Variants in NAV1 observed in about 807,000 individuals in gnomAD.
NAV1 encodes the protein neuron navigator 1.
In NAV1, 18 loss-of-function variants were observed where a neutral mutation model predicts 175.2. The observed-to-expected ratio is 0.10, with a 90% CI of 0.07 to 0.15. The LOEUF is 0.15. Ranked by LOEUF, NAV1 falls within the 10% of genes least tolerant of loss-of-function variation. The pLI, the probability that NAV1 is intolerant of heterozygous loss-of-function variation, is 1.00. For synonymous variants in NAV1, 897 were observed against 978.7 expected, an observed-to-expected ratio of 0.92 and a Z score of 1.56; for missense variants, 1,731 against 2,436.6, an observed-to-expected ratio of 0.71 and a Z score of 6.10.
chr1:201,779,598 C>CATAAAAAAAAAAAAAA (rs1676178939), intron 3 of NAV1, among the ~76,000 whole-genome samples: 1 of 69,076 alleles, frequency 1.4e-5, no homozygotes, highest in African/African-American at 7.8e-5. Flanking sequence ...GACTCCGTCT[C>CATAAAAAAAAAAAAAA]AAAAAAAAAA....
At chr1:201,726,456 C>G (rs907306604) in intron 3 of NAV1, among the ~76,000 whole-genome samples, 1 of 151,808 alleles carries the variant, frequency 6.6e-6, no homozygotes, top group African/African-American at 2.4e-5. Flanking sequence ...CCAGCCTGAC[C>G]AACAACAACA....
chr1:201,711,892 C>T (rs1671922594), intron 1 of NAV1, among the ~76,000 whole-genome samples: 1 of 152,232 alleles, frequency 6.6e-6, no homozygotes, highest in South Asian at 2.1e-4. Flanking sequence ...TGAGTTCCTT[C>T]ATGCTCAAGC....
rs1001524462 is a variant in NAV1 at position 201,787,539 on chromosome 1, G to T, written c.2996-929G>T. On this transcript the variant is annotated intron_variant, in intron 9 of 29. Coordinates refer to ENST00000367296, the Ensembl canonical transcript of NAV1. This position sits in a 1 kb window ranked among gnomAD's most constrained non-coding sequence, Gnocchi z 4.3. ...CAGCTTGTTCTCTATCTCCATTGAA[G>T]ACCAAATAAGAAGAATTGCATTTAT... 7.9e-5 allele frequency: 32 copies of T among 406,454 alleles called. No homozygotes were observed. The highest frequency in any genetic ancestry group is 6.2e-4 in the African/African-American group (30 of 48,742). The allele number at this position is 406,454 out of a possible 1,614,324, so 25.2% of individuals were successfully genotyped here. A position where few individuals can be genotyped will look rare whatever the true frequency, so the allele number is the denominator to read the frequency against.
intron 1 of NAV1, among the ~76,000 whole-genome samples, chr1:201,628,761 G>C (rs1668407959): frequency 6.6e-6 from 1 of 152,186 alleles, no homozygotes; most frequent in South Asian, 2.1e-4. Context: ...TACGGTTGAG[G>C]TTGTGCTCAG....
upstream of NAV1, among the ~76,000 whole-genome samples, chr1:201,618,820 G>A (rs182576052): frequency 9.8e-5 from 15 of 152,342 alleles, no homozygotes; most frequent in Admixed American, 5.9e-4. Flanking sequence ...ACAAGGGACT[G>A]TTACTCTGTC....
intron 8 of NAV1, 53 bp downstream of exon 12, chr1:201,785,404 T>C (rs1448226763): frequency 1.3e-6 from 2 of 1,555,764 alleles, no homozygotes; most frequent in Admixed American, 1.8e-5. Flanking sequence ...CTGGTATGTA[T>C]GAAAAATCAT....
intron 2 of NAV1, 43 bp downstream of exon 6, chr1:201,712,962 G>C (rs1671973740): frequency 2.0e-6 from 3 of 1,476,670 alleles, no homozygotes; most frequent in Non-Finnish European, 2.8e-6. Context: ...CTGCCTTCCT[G>C]GCTCTCCACC....
chr1:201,783,403 CA>C lies in NAV1; in HGVS notation c.2358-2del. On this transcript the variant is annotated splice_acceptor_variant, in intron 6 of 29. Transcript: ENST00000367296. LOFTEE classifies it high-confidence loss of function. ...CTAAATATTTCGTTTGATCTTCTCT[CA>C]GGGCCACAGCGAAGAGCTTTGTCAA... 1 of 1,612,898 alleles carries C rather than the reference CA, an allele frequency of 6.2e-7. No individual in the cohort carries two copies. Among genetic ancestry groups the C allele is most frequent in the East Asian group, 2.2e-5 (1 of 44,854 alleles).
chr1:201,607,508 T>C (rs1196881624), intron 2 of NAV1, among the ~76,000 whole-genome samples: 1 of 152,132 alleles, frequency 6.6e-6, no homozygotes, highest in Non-Finnish European at 1.5e-5. Flanking sequence ...TTTATTATTT[T>C]TGAGATGGAG....
At chr1:201,637,274 C>T (rs1410974387) in intron 2 of NAV1, among the ~76,000 whole-genome samples, 3 of 152,198 alleles carry the variant, frequency 2.0e-5, no homozygotes, top group Non-Finnish European at 4.4e-5. Flanking sequence ...AAAAGCTTCT[C>T]ATTACTTTCG....
At chr1:201,632,967 G>T (rs1046788101) in intron 2 of NAV1, among the ~76,000 whole-genome samples, 4 of 152,204 alleles carry the variant, frequency 2.6e-5, no homozygotes, top group Non-Finnish European at 4.4e-5. Flanking sequence ...AGCAAGGAAT[G>T]GTAACTACTC....
intron 7 of NAV1, 107 bp downstream of exon 11, chr1:201,783,959 T>C: frequency 1.0e-6 from 1 of 995,838 alleles, no homozygotes; most frequent in South Asian, 1.7e-5. Flanking sequence ...ACTTTTGACA[T>C]TTTTTCACAT....
intron 3 of NAV1, among the ~76,000 whole-genome samples, chr1:201,752,340 G>A (rs1211284975): frequency 2.0e-5 from 3 of 152,174 alleles, no homozygotes; most frequent in Admixed American, 6.5e-5. Flanking sequence ...TTTCTAAATG[G>A]ATTTCTTTGG....
chr1:201,803,648 C>A (rs375322212), exon 16 of NAV1: 1 of 1,613,822 alleles, frequency 6.2e-7, no homozygotes, highest in African/African-American at 1.3e-5. Flanking sequence ...TCAACAGCAT[C>A]ACTAGCCATT....
chr1:201,781,016 G>T (rs997425030), exon 5 of NAV1: 1 of 1,607,960 alleles, frequency 6.2e-7, no homozygotes, highest in Non-Finnish European at 8.5e-7. Context: ...CTTTAGCTAC[G>T]CACAGACTCA....
intron 2 of NAV1, among the ~76,000 whole-genome samples, chr1:201,617,260 C>T (rs568728070): frequency 2.6e-4 from 40 of 152,172 alleles, no homozygotes; most frequent in Non-Finnish European, 4.9e-4. Flanking sequence ...CACACACACA[C>T]ACATAAACAC....
chr1:201,577,860 T>C (rs1448768098), intron 1 of NAV1, among the ~76,000 whole-genome samples: 1 of 152,228 alleles, frequency 6.6e-6, no homozygotes, highest in Non-Finnish European at 1.5e-5. Context: ...CAATGAGAAA[T>C]CTACTGTCAT....
At chr1:201,698,214 T>A (rs1671269841) in intron 1 of NAV1, among the ~76,000 whole-genome samples, 1 of 152,214 alleles carries the variant, frequency 6.6e-6, no homozygotes, top group Admixed American at 6.5e-5. Flanking sequence ...TTCAGATCAG[T>A]GGTCACCTCT....
intron 1 of NAV1, among the ~76,000 whole-genome samples, chr1:201,549,099 CT>C (rs1455522475): frequency 1.4e-5 from 2 of 147,340 alleles, no homozygotes; most frequent in African/African-American, 2.5e-5. Context: ...TTCTTTCTTT[CT>C]TTCTTTCTTT....
Sources: gnomAD v4.1 joint callset for allele counts (sites outside exome capture counted in the v4.1 genomes callset) on GRCh38, gnomAD v4.1.1 for gene constraint, Gnocchi (gnomAD v3.1) non-coding constraint, MANE v1.5 for transcripts, NCBI Gene and HGNC (gene_info 2026-07-23, HGNC 2026-07-21) for gene names.